TNS1: variants seen among roughly 807,000 people sequenced by gnomAD.
The protein encoded by TNS1 is tensin 1, also known as tensin-1.
A neutral mutation model predicts 168.6 loss-of-function variants in TNS1; 62 were observed. The observed-to-expected ratio is 0.37, with a 90% confidence interval of 0.30 to 0.45. TNS1 has a LOEUF of 0.45. Ranked by LOEUF, TNS1 falls within the 20% of genes least tolerant of loss-of-function variation. TNS1 has a pLI of 1.00. For synonymous variants in TNS1, 934 were observed against 933.2 expected (o/e 1.00, Z -0.02); for missense variants, 2,240 against 2,339.4 (o/e 0.96, Z 0.88).
chr2:217,894,635 C>T lies in TNS1; in HGVS notation c.594+371G>A, dbSNP rs190450252. Among the ~76,000 whole-genome samples the T allele has an allele frequency of 3.1e-3, 473 of 152,042 alleles. 3 individuals are homozygous for T. The highest frequency in any genetic ancestry group is 4.9e-3 in the Admixed American group (75 of 15,274). On this transcript the variant is annotated intron_variant, in intron 9 of 32. Coordinates refer to ENST00000682258, the MANE Select transcript of TNS1 (RefSeq NM_001387777.1). ...TCACGCCACTGCACTCCAGCCTGGG[C>T]GACAGAGGGGGACTGCATCTCAAAA...
intron 21 of TNS1, among the ~76,000 whole-genome samples, chr2:217,832,192 A>T (rs1944533307): frequency 6.6e-6 from 1 of 152,200 alleles, no homozygotes; most frequent in Non-Finnish European, 1.5e-5. Context: ...TGTCCCCCCA[A>T]ACCTCAGTGT....
intron 1 of TNS1, among the ~76,000 whole-genome samples, chr2:218,015,451 A>G (rs1170068204): frequency 6.6e-6 from 1 of 152,112 alleles, no homozygotes; most frequent in African/African-American, 2.4e-5. Flanking sequence ...CACCACTACT[A>G]GCCCAGGTCT....
intron 3 of TNS1, among the ~76,000 whole-genome samples, chr2:217,928,179 A>G (rs1575099502): frequency 6.6e-6 from 1 of 152,366 alleles, no homozygotes; most frequent in South Asian, 2.1e-4. Context: ...TGCCAAGGCC[A>G]TGGAGGGAGG....
intron 1 of TNS1, among the ~76,000 whole-genome samples, chr2:218,022,919 G>C (rs1038202943): frequency 6.6e-5 from 10 of 152,238 alleles, no homozygotes; most frequent in Admixed American, 1.3e-4. Flanking sequence ...GAGGGAGAGG[G>C]AGCTGGGCTT....
At chr2:217,921,452 G>T (rs749294630) in intron 3 of TNS1, among the ~76,000 whole-genome samples, 4 of 152,182 alleles carry the variant, frequency 2.6e-5, no homozygotes, top group Admixed American at 6.5e-5. Context: ...CACCCTAGCT[G>T]AGCCCTTCCT....
intron 3 of TNS1, among the ~76,000 whole-genome samples, chr2:217,961,632 T>C (rs140604222): frequency 8.9e-4 from 136 of 152,274 alleles, no homozygotes; most frequent in Non-Finnish European, 1.5e-3. Context: ...AGGTCACAGC[T>C]GAAAACGAAA....
At chr2:217,919,190 A>G (rs920633629) in intron 4 of TNS1, among the ~76,000 whole-genome samples, 2 of 152,250 alleles carry the variant, frequency 1.3e-5, no homozygotes, top group African/African-American at 4.8e-5. Flanking sequence ...GGATGGGACC[A>G]GCCCCTTGTC....
At chr2:217,959,013 G>A (rs1957431994) in intron 3 of TNS1, among the ~76,000 whole-genome samples, 1 of 152,168 alleles carries the variant, frequency 6.6e-6, no homozygotes, top group Admixed American at 6.5e-5. Context: ...CTTCTCTCAG[G>A]ACCAGGGTCC....
chr2:218,007,170 G>GTTTCTC (rs1160632207), upstream of TNS1, among the ~76,000 whole-genome samples: 1 of 151,410 alleles, frequency 6.6e-6, no homozygotes, highest in African/African-American at 2.4e-5. Flanking sequence ...GATCCCAACA[G>GTTTCTC]CACGAGACCC....
At position 217,813,851 on chromosome 2, in the gene TNS1, C is replaced by A. The variant is rs1449551961; in HGVS notation, c.4730-35G>T. On this transcript the variant is annotated intron_variant, in intron 25 of 32. Transcript: ENST00000682258. The surrounding 1 kb of genome is among the most constrained non-coding windows in gnomAD (Gnocchi z 4.0). ...GAAGGGACAAGGAGAGAGGAGGAAG[C>A]AAGACCTCGGTGGCGCTAGTTTTAC... The A allele has an allele frequency of 3.9e-6, 6 of 1,557,630 alleles. No homozygotes were observed. Among genetic ancestry groups the A allele is most frequent in the Non-Finnish European group, 4.3e-6 (5 of 1,150,156 alleles).
chr2:217,813,668 C>G lies in TNS1; in HGVS notation c.4861+17G>C. On this transcript the variant is annotated intron_variant, in intron 26 of 32. Transcript: ENST00000682258. This position sits in a 1 kb window ranked among gnomAD's most constrained non-coding sequence, Gnocchi z 4.0. ...AGCTCACCTGGTCCTGAGCCCCATT[C>G]TGGGAGATGAGGTTACCTTTTTTAT... is the stretch of plus-strand genomic sequence containing the variant. 6.3e-7 allele frequency: 1 copy of G among 1,598,388 alleles called. No homozygotes were observed. The highest frequency in any genetic ancestry group is 1.1e-5 in the South Asian group (1 of 88,574).
intron 6 of TNS1, among the ~76,000 whole-genome samples, chr2:217,901,152 C>T (rs1952928644): frequency 6.6e-6 from 1 of 152,168 alleles, no homozygotes; most frequent in Non-Finnish European, 1.5e-5. Context: ...CAAACTTAAG[C>T]AAATGGGCCC....
In TNS1 at chr2:217,848,184, TG is replaced by T; in HGVS notation, c.2332del (p.Gln778SerfsTer24). 1 of 1,604,860 alleles carries T rather than the reference TG, an allele frequency of 6.2e-7. No homozygotes were observed. Among genetic ancestry groups the T allele is most frequent in the Non-Finnish European group, 8.5e-7 (1 of 1,175,356 alleles). On this transcript the variant is annotated frameshift_variant, in exon 19 of 33. Transcript: ENST00000682258. LOFTEE classifies it high-confidence loss of function. ...GCGAGGCTGCTGCTGCTGCTGCTGC[TG>T]CTGCTGCCACGAATTCAGTCCCCTT... ...VQRGLNSWQQ[Q>X]QQQQQQPRPP...
chr2:217,891,650 C>G (rs1951756516), intron 11 of TNS1, among the ~76,000 whole-genome samples: 1 of 152,234 alleles, frequency 6.6e-6, no homozygotes, highest in African/African-American at 2.4e-5. Context: ...GATCACGAAG[C>G]TCCAGTGACT....
intron 4 of TNS1, among the ~76,000 whole-genome samples, chr2:217,916,088 CTGTAATCAGGATTAAATCAGTTTATTTT>C (rs1220901250): frequency 6.6e-6 from 1 of 152,184 alleles, no homozygotes; most frequent in Non-Finnish European, 1.5e-5. Flanking sequence ...CCTCATTGCA[CTGTAATCAGGATTAAATCAGTTTATTTT>C]TGTAAAGTGT....
At chr2:217,923,713 T>C (rs1387937517) in intron 3 of TNS1, among the ~76,000 whole-genome samples, 1 of 152,184 alleles carries the variant, frequency 6.6e-6, no homozygotes, top group Non-Finnish European at 1.5e-5. Flanking sequence ...AGCCCTTTGC[T>C]CTCATTGGAT....
chr2:217,891,790 G>C (rs1437049672), intron 11 of TNS1, among the ~76,000 whole-genome samples: 1 of 151,916 alleles, frequency 6.6e-6, no homozygotes, highest in Non-Finnish European at 1.5e-5. Flanking sequence ...TCAGCCCCTC[G>C]CATTCCCATC....
intron 22 of TNS1, among the ~76,000 whole-genome samples, chr2:217,824,486 G>A (rs562496309): frequency 3.9e-5 from 6 of 152,318 alleles, no homozygotes; most frequent in South Asian, 2.1e-4. Flanking sequence ...AGTAGGATTC[G>A]GGGGATGTAA....
chr2:217,893,108 G>A, intron 10 of TNS1, 96 bp from the exon 11 acceptor site: 7 of 1,452,790 alleles, frequency 4.8e-6, no homozygotes, highest in Non-Finnish European at 6.7e-6. Flanking sequence ...AGTCAGGGCT[G>A]GAGAGAGGGG....
Sources: allele counts gnomAD v4.1 joint callset (sites outside exome capture counted in the v4.1 genomes callset), GRCh38; gene constraint gnomAD v4.1.1; non-coding constraint Gnocchi (gnomAD v3.1); transcripts MANE v1.5; gene names NCBI Gene and HGNC (gene_info 2026-07-23, HGNC 2026-07-21).